Variants in TSPAN32 observed in about 807,000 individuals in gnomAD.
TSPAN32 encodes the protein tetraspanin-32.
TSPAN32 carries 47 observed loss-of-function variants against 42.7 expected under a neutral mutation model. The ratio of observed to expected loss-of-function variants is 1.10; its 90% CI spans 0.87 to 1.40. The LOEUF is 1.40. Among genes scored for constraint, TSPAN32 ranks in the 40% most tolerant of loss-of-function variants. TSPAN32 has a pLI of 0.00. For missense variants in TSPAN32, 469 were observed against 424.1 expected, an observed-to-expected ratio of 1.11 and a Z score of -0.93; for synonymous variants, 175 against 175.9, an observed-to-expected ratio of 0.99 and a Z score of 0.04.
Position 2,316,474 on chromosome 11 carries a change from T to C in TSPAN32, c.628-102T>C, listed in dbSNP as rs547861239. ...CTCTGGTGTGACAGGGCCTGCCTCC[T>C]ACAGCTGGGCCGCCCCCTTACACTG... On this transcript the variant is annotated intron_variant, in intron 7 of 9. Transcript: ENST00000182290. 247 of 1,586,974 alleles carry C rather than the reference T, an allele frequency of 1.6e-4. No homozygotes were observed. The African/African-American group carries it at 3.0e-3, about 19-fold the overall frequency.
chr11:2,303,130 G>A (rs2133284718), intron 2 of TSPAN32, 172 bp downstream of exon 2: 1 of 604,470 alleles, frequency 1.7e-6, no homozygotes, highest in South Asian at 2.0e-5. Context: ...CCTGGGCAGG[G>A]CCTCGGGTCT....
chr11:2,302,264 G>T (rs1200016480), intron 1 of TSPAN32, 49 bp downstream of exon 1: 2 of 1,359,224 alleles, frequency 1.5e-6, no homozygotes, highest in Non-Finnish European at 9.5e-7. Context: ...GGTGAGCAGG[G>T]GTGAGGGGTG....
intron 4 of TSPAN32, among the ~76,000 whole-genome samples, chr11:2,309,718 G>T (rs1848353268): frequency 6.6e-6 from 1 of 152,230 alleles, no homozygotes; most frequent in African/African-American, 2.4e-5. Context: ...GTAGCAGGCA[G>T]GTCCTCTGGC....
At chr11:2,309,314 G>A (rs1474406904) in intron 4 of TSPAN32, 5 of 465,350 alleles carry the variant, frequency 1.1e-5, no homozygotes, top group South Asian at 1.6e-5. Context: ...CCCCCTCCAC[G>A]GAACAGCACC....
rs767604508 is a variant in TSPAN32, at chr11:2,308,758, C to T, written c.302C>T (p.Ala101Val). 17 of 1,573,558 alleles carry T rather than the reference C, an allele frequency of 1.1e-5. No individual in the cohort carries two copies. The highest frequency in any genetic ancestry group is 4.7e-5 in the South Asian group (4 of 85,708). The change falls in exon 4 of 10, where the codon GCG becomes GTG. Residue 101 changes from alanine (A) to valine (V), a missense_variant. Ala to Val is a moderately conservative substitution (Grantham distance 64). Transcript: ENST00000182290. ...CAGGGCTTCCTGTGCTTCTCCCTGG[C>T]GTTCTGCGCACAGGTGCAGGTGGTG... ...MAGGFLCFSL[A>V]FCAQVQVVFW... is the part of the protein sequence containing the mutation.
At position 2,304,142 on chromosome 11, in the gene TSPAN32, A is replaced by T. The variant is rs944690828; in HGVS notation, c.217A>T (p.Thr73Ser). ...GGGGTTGAGCCTGGTGGGCCTCCTGACTCTGGGAGCCGTGCTGAGCGCTGC... is the reference window on the plus strand; with the variant it reads ...GGGGTTGAGCCTGGTGGGCCTCCTGTCTCTGGGAGCCGTGCTGAGCGCTGC... ...SAGLSLVGLLTLGAVLSAAAT... is the reference protein window; with the variant it reads ...SAGLSLVGLLSLGAVLSAAAT... Residue 73 changes from threonine to serine, a missense_variant, in exon 3 of 10, where the codon ACT (threonine) becomes TCT (serine). Thr to Ser is a moderately conservative substitution (Grantham distance 58). Coordinates refer to ENST00000182290, the MANE Select transcript of TSPAN32 (RefSeq NM_139022.3). The surrounding 1 kb of genome is among the most constrained non-coding windows in gnomAD (Gnocchi z 4.8). 5 of 1,588,592 alleles carry T rather than the reference A, an allele frequency of 3.1e-6. No homozygotes were observed. In the Admixed American group the frequency reaches 5.4e-5, roughly 17 times the overall value.
In TSPAN32 at chr11:2,313,828, G is replaced by T; in HGVS notation, c.456+73G>T. ...ACTGCAGTTCAGAGAACAGGCGCAG[G>T]GTGGCCAGTGAGAGGTCTGGCCAGG... On this transcript the variant is annotated intron_variant, in intron 5 of 9. Transcript: ENST00000182290. The surrounding 1 kb of genome is among the most constrained non-coding windows in gnomAD (Gnocchi z 9.1). 2 of 1,252,272 alleles carry T rather than the reference G, an allele frequency of 1.6e-6. No individual in the cohort carries two copies. Among genetic ancestry groups the T allele is most frequent in the East Asian group, 2.6e-5 (1 of 39,184 alleles). The allele number at this position is 1,252,272 out of a possible 1,614,324, so 77.6% of individuals were successfully genotyped here.
chr11:2,306,920 A>AGGAGAAGGAGGAG (rs1415766033), intron 3 of TSPAN32: 3 of 86,246 alleles, frequency 3.5e-5, no homozygotes, highest in African/African-American at 4.8e-5. Context: ...ACAAGGGAGG[A>AGGAGAAGGAGGAG]GGAGATGGAG....
chr11:2,304,484 G>A lies in TSPAN32; in HGVS notation c.279+280G>A, dbSNP rs1053189510. 6.6e-6 allele frequency among the ~76,000 whole-genome samples: 1 copy of A among 151,408 alleles called. No homozygotes were observed. The highest frequency in any genetic ancestry group is 1.5e-5 in the Non-Finnish European group (1 of 67,792). ...ACCCTGTCATCTACACGCCCAACAA[G>A]GGTTCCTATAGGAGCTCTGAAAGAG... is the stretch of plus-strand genomic sequence containing the variant. On this transcript the variant is annotated intron_variant, in intron 3 of 9. Coordinates refer to ENST00000182290, the MANE Select transcript of TSPAN32 (RefSeq NM_139022.3). The surrounding 1 kb of genome is among the most constrained non-coding windows in gnomAD (Gnocchi z 4.8).
rs1347587046 is a variant in TSPAN32, at chr11:2,308,798, C to T, written c.342C>T (p.His114=). 1 of 1,567,408 alleles carries T rather than the reference C, an allele frequency of 6.4e-7. No individual in the cohort carries two copies. The highest frequency in any genetic ancestry group is 8.7e-7 in the Non-Finnish European group (1 of 1,155,676). ...TGCAGGTGGTGTTCTGGAGACTCCACAGCCCCACCCAGGTGAGCACCAGCT... is the reference window on the plus strand; with the variant it reads ...TGCAGGTGGTGTTCTGGAGACTCCATAGCCCCACCCAGGTGAGCACCAGCT... The part of the protein sequence containing the change: ...AQVQVVFWRL[H]SPTQVEDAML... Residue 114 remains histidine (H), a synonymous_variant, in exon 4 of 10, where the codon CAC becomes CAT. Coordinates refer to ENST00000182290, the MANE Select transcript of TSPAN32 (RefSeq NM_139022.3).
chr11:2,311,433 G>A (rs1363783770), intron 4 of TSPAN32, among the ~76,000 whole-genome samples: 2 of 152,182 alleles, frequency 1.3e-5, no homozygotes, highest in African/African-American at 4.8e-5. Flanking sequence ...CCTGTGCCCT[G>A]ACGAGTCTGC....
chr11:2,314,501 A>C lies in TSPAN32; in HGVS notation c.473A>C (p.Lys158Thr), dbSNP rs1420641915. ...TTCCTGTAGTTTCTGTGCTGTGGGA[A>C]GAAGTCTCCTTTCAGCCGTCTGGGG... ...AIQDVFLCCG[K>T]KSPFSRLGST... Residue 158 changes from lysine (K) to threonine (T), a missense_variant, in exon 6 of 10, where the codon AAG (lysine) becomes ACG (threonine). Coordinates refer to ENST00000182290, the MANE Select transcript of TSPAN32 (RefSeq NM_139022.3). 1 of 1,612,356 alleles carries C rather than the reference A, an allele frequency of 6.2e-7. No homozygotes were observed. Among genetic ancestry groups the C allele is most frequent in the Non-Finnish European group, 8.5e-7 (1 of 1,179,352 alleles).
At position 2,315,586 on chromosome 11, in the gene TSPAN32, T is replaced by C. The variant is rs905966854; in HGVS notation, c.544-643T>C. 3.4e-6 allele frequency: 4 copies of C among 1,175,208 alleles called. No homozygotes were observed. The African/African-American group carries it at 6.4e-5, about 19-fold the overall frequency. The allele number at this position is 1,175,208 out of a possible 1,614,324, so 72.8% of individuals were successfully genotyped here. ...ACGGAGCCACCCAGATGGGCTGGCA[T>C]GGGCGGGAGGGAGGCAGACCTGCCT... On this transcript the variant is annotated intron_variant, in intron 6 of 9. Coordinates refer to ENST00000182290, the MANE Select transcript of TSPAN32 (RefSeq NM_139022.3).
rs913414921 is a variant in TSPAN32 at position 2,317,683 on chromosome 11, G to T, written c.901+158G>T. The T allele has an allele frequency of 1.9e-5, 19 of 985,320 alleles. No individual in the cohort carries two copies. Among genetic ancestry groups the T allele is most frequent in the Middle Eastern group, 1.0e-3 (2 of 1,936 alleles). The allele number at this position is 985,320 out of a possible 1,614,324, so 61.0% of individuals were successfully genotyped here. On this transcript the variant is annotated intron_variant, in intron 9 of 9. Transcript: ENST00000182290. The surrounding 1 kb of genome is among the most constrained non-coding windows in gnomAD (Gnocchi z 6.2). ...TCACCAAATCCCTCCATGGGAACGG[G>T]CTGGGAGCAAGCACAAAGGAAACCA...
chr11:2,316,155 G>A, intron 6 of TSPAN32, 74 bp from the exon 7 acceptor site: 1 of 1,514,542 alleles, frequency 6.6e-7, no homozygotes, highest in Non-Finnish European at 8.8e-7. Flanking sequence ...GCAGCTCCAT[G>A]GCCCCACAGA....
At chr11:2,316,005 T>C (rs1018918287) in intron 6 of TSPAN32, 95 of 1,533,720 alleles carry the variant, frequency 6.2e-5, no homozygotes, top group Non-Finnish European at 7.8e-5. Flanking sequence ...CCCAGGGCAG[T>C]GCCAGAGTGC....
intron 4 of TSPAN32, among the ~76,000 whole-genome samples, chr11:2,310,471 C>T (rs919713328): frequency 2.0e-5 from 3 of 152,206 alleles, no homozygotes; most frequent in African/African-American, 4.8e-5. Context: ...TTCTCAGGGC[C>T]TTGCCTGACC....
intron 6 of TSPAN32, chr11:2,315,813 C>G: frequency 7.5e-7 from 1 of 1,331,458 alleles, no homozygotes; most frequent in Non-Finnish European, 9.9e-7. Context: ...CCCTCACACC[C>G]CTCCACCAGC....
chr11:2,303,818 G>A (rs1327990961), intron 2 of TSPAN32, among the ~76,000 whole-genome samples: 2 of 152,116 alleles, frequency 1.3e-5, no homozygotes, highest in African/African-American at 2.4e-5. Context: ...GCTCCAGTCC[G>A]GCCACTTGTC....
Sources: gnomAD v4.1 joint callset for allele counts (sites outside exome capture counted in the v4.1 genomes callset) on GRCh38, gnomAD v4.1.1 for gene constraint, Gnocchi (gnomAD v3.1) non-coding constraint, MANE v1.5 for transcripts, NCBI Gene and HGNC (gene_info 2026-07-23, HGNC 2026-07-21) for gene names.